TRHDE: variants seen among roughly 807,000 people sequenced by gnomAD.
The protein encoded by TRHDE is thyrotropin-releasing hormone-degrading ectoenzyme.
A neutral mutation model predicts 125.7 loss-of-function variants in TRHDE; 72 were observed. That is an observed-to-expected ratio of 0.57 (90% confidence interval 0.47 to 0.70). The LOEUF (loss-of-function observed/expected upper bound fraction) is 0.70, where lower values mean the gene tolerates loss of function less well. TRHDE is among the 30% of genes least tolerant of loss of function. The pLI is 0.00. For missense variants in TRHDE, 1,110 were observed against 1,327.1 expected (o/e 0.84, Z 2.54); for synonymous variants, 509 against 509.1 (o/e 1.00, Z 0.00).
chr12:72,091,935 G>A (rs1054704069), intron 1 of TRHDE, among the ~76,000 whole-genome samples: 2 of 152,196 alleles, frequency 1.3e-5, no homozygotes, highest in Non-Finnish European at 2.9e-5. Flanking sequence ...CTCACTAGAA[G>A]CAGAGAGCTC....
intron 12 of TRHDE, among the ~76,000 whole-genome samples, chr12:72,615,928 G>T (rs1872795366): frequency 6.6e-6 from 1 of 152,068 alleles, no homozygotes; most frequent in Admixed American, 6.6e-5. Context: ...ACATAAAATA[G>T]CTAATGGGAG....
At chr12:72,364,517 C>G (rs61926583) in intron 2 of TRHDE, among the ~76,000 whole-genome samples, 2,586 of 152,110 alleles carry the variant, frequency 0.017, 39 homozygotes, top group South Asian at 0.044. Context: ...TTGGTTCACT[C>G]TATGTCCTCA....
upstream of TRHDE, among the ~76,000 whole-genome samples, chr12:72,268,121 C>T (rs767001045): frequency 6.6e-6 from 1 of 152,066 alleles, no homozygotes; most frequent in Non-Finnish European, 1.5e-5. Flanking sequence ...TGCCACATGG[C>T]GGCACCACTT....
In TRHDE at chr12:72,181,637, G is replaced by A. The variant is rs1026122886; in HGVS notation, n.279+75885G>A. 5.3e-5 allele frequency among the ~76,000 whole-genome samples: 8 copies of A among 152,088 alleles called. No homozygotes were observed. The South Asian group carries it at 1.4e-3, about 28-fold the overall frequency. On this transcript the variant is annotated intron_variant and non_coding_transcript_variant, in intron 2 of 4. Transcript: ENST00000548156. The stretch of plus-strand genomic sequence containing the variant: ...ATGTATATGCTAATAGTATACTGGA[G>A]AATATTATACCTGTTTATAAGATTT...
chr12:72,222,322 A>G (rs189296859), intron 2 of TRHDE, among the ~76,000 whole-genome samples: 458 of 152,220 alleles, frequency 3.0e-3, no homozygotes, highest in African/African-American at 0.011. Flanking sequence ...TGTTCCAGCC[A>G]TCTTTGGAAA....
chr12:72,293,002 G>A (rs550685197), intron 2 of TRHDE, among the ~76,000 whole-genome samples: 9 of 152,238 alleles, frequency 5.9e-5, no homozygotes, highest in East Asian at 3.9e-4. Context: ...GAGAGGTCTC[G>A]TTGATTGGGG....
chr12:72,652,152 G>T (rs1874531858), intron 15 of TRHDE, among the ~76,000 whole-genome samples, 170 bp from the exon 16 acceptor site: 1 of 151,996 alleles, frequency 6.6e-6, no homozygotes, highest in Non-Finnish European at 1.5e-5. Context: ...CATCCAGTGA[G>T]AAATATTTTT....
intron 3 of TRHDE, among the ~76,000 whole-genome samples, chr12:72,412,704 A>C (rs1237419479): frequency 6.6e-6 from 1 of 152,134 alleles, no homozygotes; most frequent in Admixed American, 6.5e-5. Context: ...TAATGAACTA[A>C]TAAAGCCAGG....
At chr12:72,515,999 A>G (rs1024513246) in intron 6 of TRHDE, among the ~76,000 whole-genome samples, 1 of 147,952 alleles carries the variant, frequency 6.8e-6, no homozygotes, top group Non-Finnish European at 1.5e-5. Flanking sequence ...CCATTGATCT[A>G]TATCTCTGTT....
At chr12:72,339,071 A>G (rs185850416) in intron 2 of TRHDE, among the ~76,000 whole-genome samples, 15 of 152,278 alleles carry the variant, frequency 9.9e-5, no homozygotes, top group African/African-American at 3.6e-4. Flanking sequence ...GTTGTATGAC[A>G]GATAATTGCC....
intron 1 of TRHDE, among the ~76,000 whole-genome samples, chr12:72,276,130 T>C (rs1879479301): frequency 6.6e-6 from 1 of 152,214 alleles, no homozygotes; most frequent in South Asian, 2.1e-4. Context: ...ACTTGGAGCA[T>C]GGAGCATTTT....
intron 2 of TRHDE, among the ~76,000 whole-genome samples, chr12:72,216,841 A>C (rs898747693): frequency 1.3e-5 from 2 of 152,294 alleles, no homozygotes; most frequent in South Asian, 2.1e-4. Context: ...AATTTAATGG[A>C]AAAAATTTAC....
chr12:72,363,248 G>T (rs568087917), intron 2 of TRHDE, among the ~76,000 whole-genome samples: 1 of 151,954 alleles, frequency 6.6e-6, no homozygotes, highest in East Asian at 1.9e-4. Flanking sequence ...TAGAAAAAGA[G>T]GGAATCCTCC....
chr12:72,530,716 T>G (rs544510182), intron 6 of TRHDE, among the ~76,000 whole-genome samples: 1 of 151,940 alleles, frequency 6.6e-6, no homozygotes, highest in South Asian at 2.1e-4. Flanking sequence ...TTCATTTGAT[T>G]CCTTTCTCTG....
At chr12:72,329,793 C>T (rs1869502042) in intron 2 of TRHDE, among the ~76,000 whole-genome samples, 1 of 152,078 alleles carries the variant, frequency 6.6e-6, no homozygotes. Flanking sequence ...TGCCAGTTCC[C>T]TCAGAGAGGA....
intron 3 of TRHDE, among the ~76,000 whole-genome samples, chr12:72,466,646 C>T (rs1377087637): frequency 6.6e-6 from 1 of 152,160 alleles, no homozygotes; most frequent in African/African-American, 2.4e-5. Context: ...ATTTCAGCCA[C>T]ATCACCCTTC....
chr12:72,604,751 C>T (rs1026556837), intron 12 of TRHDE, among the ~76,000 whole-genome samples: 1 of 151,972 alleles, frequency 6.6e-6, no homozygotes, highest in Non-Finnish European at 1.5e-5. Context: ...ATTGATGCTT[C>T]AACTTTAGAA....
chr12:72,240,763 T>A (rs1339000835), intron 2 of TRHDE, among the ~76,000 whole-genome samples: 1 of 152,050 alleles, frequency 6.6e-6, no homozygotes, highest in Non-Finnish European at 1.5e-5. Context: ...TAATAGATAC[T>A]GGGTTTCACC....
At chr12:72,558,025 G>A (rs2136005510) in intron 7 of TRHDE, among the ~76,000 whole-genome samples, 1 of 151,836 alleles carries the variant, frequency 6.6e-6, no homozygotes, top group South Asian at 2.1e-4. Context: ...TATGGAGAGA[G>A]AGGACAGGGA....
Sources: gnomAD v4.1 joint callset for allele counts (sites outside exome capture counted in the v4.1 genomes callset) on GRCh38, gnomAD v4.1.1 for gene constraint, MANE v1.5 for transcripts, NCBI Gene and HGNC (gene_info 2026-07-23, HGNC 2026-07-21) for gene names.